TMEM132D: variants seen among roughly 807,000 people sequenced by gnomAD.
TMEM132D encodes transmembrane protein 132D.
Under a neutral mutation model 62.3 loss-of-function variants are expected in TMEM132D, and 21 were observed. That is an observed-to-expected ratio of 0.34 (90% CI 0.24 to 0.49). The LOEUF is 0.49. TMEM132D is among the 20% of genes least tolerant of loss of function. The pLI is 0.99. For synonymous variants in TMEM132D, 621 were observed against 575.6 expected (o/e 1.08, Z -1.13); for missense variants, 1,346 against 1,402.8 (o/e 0.96, Z 0.65).
chr12:129,546,760 C>T (rs900772882), intron 2 of TMEM132D, among the ~76,000 whole-genome samples: 1 of 151,424 alleles, frequency 6.6e-6, no homozygotes, highest in African/African-American at 2.4e-5. Context: ...GAGATCATGC[C>T]ACCGTACTCC....
chr12:129,677,744 T>A (rs1481520699), intron 2 of TMEM132D, among the ~76,000 whole-genome samples: 1 of 152,006 alleles, frequency 6.6e-6, no homozygotes, highest in Non-Finnish European at 1.5e-5. Flanking sequence ...ACACGTTTAG[T>A]ATTCTGATGT....
intron 4 of TMEM132D, among the ~76,000 whole-genome samples, chr12:129,250,294 A>G (rs901122270): frequency 6.6e-6 from 1 of 152,236 alleles, no homozygotes; most frequent in Non-Finnish European, 1.5e-5. Flanking sequence ...TGTATGTATC[A>G]CAATTTTATG....
chr12:129,402,859 G>T (rs886616382), intron 3 of TMEM132D, among the ~76,000 whole-genome samples: 1 of 145,766 alleles, frequency 6.9e-6, no homozygotes, highest in Non-Finnish European at 1.5e-5. Flanking sequence ...GCCACCATCT[G>T]CAGCAATGGA....
Position 129,152,274 on chromosome 12 carries a change from G to A in TMEM132D, c.1443+57246C>T, listed in dbSNP as rs150245537. On this transcript the variant is annotated intron_variant, in intron 5 of 8. Transcript: ENST00000422113. The stretch of plus-strand genomic sequence containing the variant: ...AGACTCCATCACACTGGGTAATGGG[G>A]GTGTTGTCACAGAGCATTTCTCCAC... Among the ~76,000 whole-genome samples, 40 of 152,298 alleles carry A rather than the reference G, an allele frequency of 2.6e-4. 1 individual carries two copies. In the East Asian group the frequency reaches 7.7e-3, roughly 29 times the overall value.
At chr12:129,404,344 A>G (rs1295844427) in intron 3 of TMEM132D, among the ~76,000 whole-genome samples, 1 of 151,886 alleles carries the variant, frequency 6.6e-6, no homozygotes, top group Non-Finnish European at 1.5e-5. Context: ...GACTACAGGC[A>G]CCCACCACCA....
intron 8 of TMEM132D, among the ~76,000 whole-genome samples, chr12:129,077,986 ATAAAG>A (rs1036371102): frequency 2.0e-5 from 3 of 152,228 alleles, no homozygotes; most frequent in African/African-American, 7.2e-5. Context: ...CTGGTTCCAA[ATAAAG>A]TAAAAGAAAA....
chr12:129,074,533 A>G lies in TMEM132D; in HGVS notation c.2642T>C (p.Ile881Thr), dbSNP rs1874184457. 6 of 1,613,712 alleles carry G rather than the reference A, an allele frequency of 3.7e-6. No individual in the cohort carries two copies. Among genetic ancestry groups the G allele is most frequent in the Non-Finnish European group, 5.1e-6 (6 of 1,179,992 alleles). Residue 881 changes from isoleucine (I) to threonine (T), a missense_variant, in exon 9 of 9, where the codon ATC becomes ACC. Transcript: ENST00000422113. The part of the protein sequence containing the change: ...LLDDNSHLQT[I>T]PSDLTSFPAQ... ...TGGGAAGCTGGTGAGGTCGCTGGGG[A>G]TGGTCTGCAAGTGGCTGTTGTCATC...
rs565472467 is a variant in TMEM132D at position 129,751,216 on chromosome 12, G to A, written c.80-50518C>T. The stretch of plus-strand genomic sequence containing the variant: ...TCAGGCTCTACAGGAATCATGACTG[G>A]GGGAGCCTCAGGAAACTTACAATCA... On this transcript the variant is annotated intron_variant, in intron 1 of 8. Coordinates refer to ENST00000422113, the MANE Select transcript of TMEM132D (RefSeq NM_133448.3). Among the ~76,000 whole-genome samples, 8 of 152,242 alleles carry A rather than the reference G, an allele frequency of 5.3e-5. No homozygotes were observed. The South Asian group carries it at 1.7e-3, about 32-fold the overall frequency.
chr12:129,428,909 A>G (rs796343793), intron 3 of TMEM132D, among the ~76,000 whole-genome samples: 6 of 152,252 alleles, frequency 3.9e-5, no homozygotes, highest in African/African-American at 1.4e-4. Context: ...GAAACAGAAG[A>G]CTCCGTGAAA....
intron 1 of TMEM132D, among the ~76,000 whole-genome samples, chr12:129,811,257 A>T (rs1361100294): frequency 1.3e-5 from 2 of 151,470 alleles, no homozygotes; most frequent in African/African-American, 4.9e-5. Flanking sequence ...TGTATGCCCA[A>T]CACTTAGTGA....
intron 3 of TMEM132D, among the ~76,000 whole-genome samples, chr12:129,441,161 A>T (rs987173674): frequency 1.3e-5 from 2 of 152,216 alleles, no homozygotes; most frequent in Non-Finnish European, 2.9e-5. Flanking sequence ...ATACCTGTAT[A>T]TATGCAGCAT....
At chr12:129,539,395 C>T (rs1241975874) in intron 2 of TMEM132D, among the ~76,000 whole-genome samples, 2 of 139,928 alleles carry the variant, frequency 1.4e-5, no homozygotes, top group Non-Finnish European at 3.0e-5. Context: ...CCACATTTGG[C>T]TAATTTTTTC....
At chr12:129,673,757 G>A (rs1368873733) in intron 2 of TMEM132D, among the ~76,000 whole-genome samples, 1 of 152,142 alleles carries the variant, frequency 6.6e-6, no homozygotes, top group African/African-American at 2.4e-5. Flanking sequence ...GCTTCTCCTG[G>A]AAAAACCAAT....
intron 2 of TMEM132D, among the ~76,000 whole-genome samples, chr12:129,551,144 G>C (rs11613505): frequency 0.19 from 28,267 of 152,234 alleles, 3,046 homozygotes; most frequent in East Asian, 0.42. Context: ...TCAGGGATCT[G>C]CCAGCTCCTC....
At chr12:129,582,832 C>T (rs1877913174) in intron 2 of TMEM132D, among the ~76,000 whole-genome samples, 2 of 152,164 alleles carry the variant, frequency 1.3e-5, no homozygotes, top group Non-Finnish European at 2.9e-5. Context: ...ACCATGTTGG[C>T]CAGGCTGGTC....
chr12:129,148,094 C>T (rs551120906), intron 5 of TMEM132D, among the ~76,000 whole-genome samples: 1 of 152,274 alleles, frequency 6.6e-6, no homozygotes, highest in South Asian at 2.1e-4. Flanking sequence ...GCTGTTTTGC[C>T]ATTGTTTTGT....
intron 1 of TMEM132D, among the ~76,000 whole-genome samples, chr12:129,790,482 T>A (rs966863529): frequency 6.6e-6 from 1 of 152,174 alleles, no homozygotes; most frequent in Admixed American, 6.5e-5. Flanking sequence ...GGAGTAGGGC[T>A]GTCCCCGGCT....
At chr12:129,180,672 C>T (rs1878040533) in intron 5 of TMEM132D, among the ~76,000 whole-genome samples, 1 of 152,306 alleles carries the variant, frequency 6.6e-6, no homozygotes, top group South Asian at 2.1e-4. Flanking sequence ...GAGAAGGTGA[C>T]ATTTGGACCC....
intron 2 of TMEM132D, among the ~76,000 whole-genome samples, chr12:129,535,031 G>A (rs1351667967): frequency 1.3e-5 from 2 of 152,348 alleles, no homozygotes; most frequent in South Asian, 2.1e-4. Context: ...GAACAAGGAA[G>A]TGTATTTCCT....
Sources: allele counts gnomAD v4.1 joint callset (sites outside exome capture counted in the v4.1 genomes callset), GRCh38; gene constraint gnomAD v4.1.1; transcripts MANE v1.5; gene names NCBI Gene and HGNC (gene_info 2026-07-23, HGNC 2026-07-21).